The following CHRM3 variants were observed in gnomAD, a reference collection of about 807,000 sequenced individuals.
CHRM3 encodes muscarinic acetylcholine receptor M3.
A neutral mutation model predicts 41.8 loss-of-function variants in CHRM3; 11 were observed. The observed-to-expected ratio is 0.26, with a 90% CI of 0.17 to 0.44. The LOEUF is 0.44. CHRM3 is among the 20% of genes least tolerant of loss of function. The probability of loss-of-function intolerance (pLI) is 1.00; values close to 1 mark genes in which losing one functional copy is unlikely to be tolerated. For synonymous variants in CHRM3, 297 were observed against 301.4 expected (o/e 0.99, Z 0.15); for missense variants, 571 against 745.4 (o/e 0.77, Z 2.72).
intron 5 of CHRM3, chr1:239,707,350 A>T (rs1476383705): frequency 6.6e-6 from 1 of 152,186 alleles, no homozygotes; most frequent in African/African-American, 2.4e-5. Context: ...GCTGCATAAT[A>T]AAAAAATTAG....
At chr1:239,780,069 T>G (rs1440226488) in intron 5 of CHRM3, among the ~76,000 whole-genome samples, 1 of 152,248 alleles carries the variant, frequency 6.6e-6, no homozygotes, top group Non-Finnish European at 1.5e-5. Context: ...TTAGCAATTA[T>G]GAATAAAGTT....
At chr1:239,743,892 G>C (rs1665106981) in intron 5 of CHRM3, among the ~76,000 whole-genome samples, 1 of 137,328 alleles carries the variant, frequency 7.3e-6, no homozygotes, top group Non-Finnish European at 1.5e-5. Flanking sequence ...TCCTGCTCAA[G>C]TGATCCTCCC....
chr1:239,620,891 G>A (rs1027221747), intron 3 of CHRM3, among the ~76,000 whole-genome samples: 2 of 152,074 alleles, frequency 1.3e-5, no homozygotes, highest in Non-Finnish European at 2.9e-5. Context: ...CGTATGAGTG[G>A]TAGGATAATA....
At chr1:239,699,267 C>G (rs925182052) in intron 5 of CHRM3, among the ~76,000 whole-genome samples, 1 of 148,266 alleles carries the variant, frequency 6.7e-6, no homozygotes, top group Non-Finnish European at 1.5e-5. Flanking sequence ...AGCGTAACTC[C>G]CAGTGTGATG....
intron 2 of CHRM3, among the ~76,000 whole-genome samples, chr1:239,495,581 A>G (rs531426689): frequency 6.6e-6 from 1 of 152,242 alleles, no homozygotes; most frequent in Admixed American, 6.5e-5. Flanking sequence ...GCTTAAGCAC[A>G]GGTAGTTCAC....
At chr1:239,470,949 AT>A (rs1195048762) in intron 1 of CHRM3, among the ~76,000 whole-genome samples, 3 of 152,242 alleles carry the variant, frequency 2.0e-5, no homozygotes, top group South Asian at 2.1e-4. Flanking sequence ...AGAGGCTTTA[AT>A]TTTTTCATTA....
rs570834555 is a variant in CHRM3, at chr1:239,569,603, A to G, written c.-313+23854A>G. ...TAAGATATCCATTCTTCCTTCCACT[A>G]TAAGCTCTGAATGTAATATGAAATA... On this transcript the variant is annotated intron_variant, in intron 3 of 6. Transcript: ENST00000676153. Among the ~76,000 whole-genome samples the G allele has an allele frequency of 2.6e-5, 4 of 152,336 alleles. No individual in the cohort carries two copies. The East Asian group carries it at 7.7e-4, about 29-fold the overall frequency.
intron 5 of CHRM3, among the ~76,000 whole-genome samples, chr1:239,766,076 A>T (rs530954616): frequency 6.6e-6 from 1 of 152,292 alleles, no homozygotes; most frequent in East Asian, 1.9e-4. Flanking sequence ...GGTCTCCCAA[A>T]GTGCTGGGAT....
chr1:239,485,346 G>A (rs1278423692), intron 1 of CHRM3, among the ~76,000 whole-genome samples: 1 of 152,128 alleles, frequency 6.6e-6, no homozygotes, highest in Non-Finnish European at 1.5e-5. Context: ...TACCCAGGTT[G>A]GAGTACAGTG....
chr1:239,908,622 G>C lies in CHRM3; in HGVS notation c.1171G>C (p.Val391Leu), dbSNP rs1434730523. 1.9e-6 allele frequency: 3 copies of C among 1,609,672 alleles called. No individual in the cohort carries two copies. The highest frequency in any genetic ancestry group is 2.7e-5 in the African/African-American group (2 of 74,860). Residue 391 changes from valine (V) to leucine (L), a missense_variant, in exon 7 of 7, where the codon GTG becomes CTG. By Grantham distance (32) the Val-to-Leu change is conservative. Coordinates refer to ENST00000676153, the MANE Select transcript of CHRM3 (RefSeq NM_001375978.1). This position sits in a 1 kb window ranked among gnomAD's most constrained non-coding sequence, Gnocchi z 7.2. The part of the protein sequence containing the change: ...TKLPSSDNLQ[V>L]PEEELGMVDL... ...GTTACCCTCATCGGACAACCTGCAGGTGCCTGAGGAGGAGCTGGGGATGGT... is the reference window on the plus strand; with the variant it reads ...GTTACCCTCATCGGACAACCTGCAGCTGCCTGAGGAGGAGCTGGGGATGGT...
chr1:239,476,294 C>T (rs944990702), intron 1 of CHRM3, among the ~76,000 whole-genome samples: 2 of 151,960 alleles, frequency 1.3e-5, no homozygotes, highest in Admixed American at 6.6e-5. Context: ...GGCGAAACCC[C>T]GTCTCTACTA....
intron 1 of CHRM3, among the ~76,000 whole-genome samples, chr1:239,433,929 T>C (rs1002400053): frequency 9.9e-5 from 15 of 152,208 alleles, no homozygotes; most frequent in Admixed American, 3.3e-4. Context: ...AACATGCATG[T>C]CCAGGTATCT....
intron 4 of CHRM3, among the ~76,000 whole-genome samples, chr1:239,673,698 T>C (rs1558441078): frequency 6.6e-6 from 1 of 152,140 alleles, no homozygotes; most frequent in Non-Finnish European, 1.5e-5. Context: ...TTAACATATA[T>C]ATAGTATCTA....
chr1:239,506,323 C>A (rs1668568016), intron 2 of CHRM3, among the ~76,000 whole-genome samples: 1 of 152,096 alleles, frequency 6.6e-6, no homozygotes, highest in African/African-American at 2.4e-5. Context: ...ATGGGCCGGG[C>A]CTGCTCTGTG....
chr1:239,478,279 A>G (rs1316912158), intron 1 of CHRM3, among the ~76,000 whole-genome samples: 2 of 152,202 alleles, frequency 1.3e-5, no homozygotes, highest in Non-Finnish European at 2.9e-5. Context: ...GCAGCCTGAC[A>G]AAAGAAGGAG....
intron 5 of CHRM3, chr1:239,706,478 A>G (rs963828500): frequency 3.3e-5 from 5 of 152,104 alleles, no homozygotes; most frequent in African/African-American, 1.2e-4. Context: ...CATTTCACCA[A>G]CTTCTTGAAA....
intron 3 of CHRM3, among the ~76,000 whole-genome samples, chr1:239,571,433 A>G (rs1472975282): frequency 6.6e-6 from 1 of 152,212 alleles, no homozygotes; most frequent in Non-Finnish European, 1.5e-5. Context: ...ACTGAGGTGC[A>G]CAGCTGTGAA....
At chr1:239,820,089 G>A (rs548800950) in intron 5 of CHRM3, among the ~76,000 whole-genome samples, 62 of 152,288 alleles carry the variant, frequency 4.1e-4, no homozygotes, top group Non-Finnish European at 7.1e-4. Context: ...CCAAAACAAC[G>A]ATAGACCACT....
intron 4 of CHRM3, among the ~76,000 whole-genome samples, chr1:239,655,161 C>T (rs185107926): frequency 2.0e-5 from 3 of 152,240 alleles, no homozygotes; most frequent in Admixed American, 2.0e-4. Flanking sequence ...TGGTAGTTTG[C>T]TAATTATAAG....
Sources: gnomAD v4.1 joint callset for allele counts (sites outside exome capture counted in the v4.1 genomes callset) on GRCh38, gnomAD v4.1.1 for gene constraint, Gnocchi (gnomAD v3.1) non-coding constraint, MANE v1.5 for transcripts, NCBI Gene and HGNC (gene_info 2026-07-23, HGNC 2026-07-21) for gene names.